PCLO: variants seen among roughly 807,000 people sequenced by gnomAD.
PCLO encodes protein piccolo.
Under a neutral mutation model 427.5 loss-of-function variants are expected in PCLO, and 82 were observed. That is an observed-to-expected ratio of 0.19 (90% CI 0.16 to 0.23). PCLO has a LOEUF of 0.23. Among genes scored for constraint, PCLO ranks in the 10% least tolerant of loss-of-function variants. The pLI, the probability that PCLO is intolerant of heterozygous loss-of-function variation, is 1.00. For missense variants in PCLO, 6,239 were observed against 6,115.9 expected (o/e 1.02, Z -0.67); for synonymous variants, 2,357 against 2,155.4 (o/e 1.09, Z -2.59).
intron 4 of PCLO, among the ~76,000 whole-genome samples, chr7:82,959,758 CATT>C (rs1795613266): frequency 6.6e-6 from 1 of 152,094 alleles, no homozygotes; most frequent in African/African-American, 2.4e-5. Flanking sequence ...AGGATTTCAT[CATT>C]GTTTACCTAC....
Position 82,995,118 on chromosome 7 carries a change from T to G in PCLO, c.3301-28631A>C, listed in dbSNP as rs558175227. Among the ~76,000 whole-genome samples, 6 of 151,976 alleles carry G rather than the reference T, an allele frequency of 3.9e-5. No individual in the cohort carries two copies. The South Asian group carries it at 1.2e-3, about 32-fold the overall frequency. On this transcript the variant is annotated intron_variant, in intron 3 of 24. Coordinates refer to ENST00000333891, the MANE Select transcript of PCLO (RefSeq NM_033026.6). ...TGATACAGAGATGCATATTTGGGAG[T>G]TACATTGAATACATGATGTGTTAAG...
intron 4 of PCLO, among the ~76,000 whole-genome samples, chr7:82,959,445 C>G (rs970162396): frequency 6.6e-6 from 1 of 152,128 alleles, no homozygotes; most frequent in East Asian, 1.9e-4. Context: ...AGAAATGTGA[C>G]CATGGTTATA....
chr7:83,000,250 G>A lies in PCLO; in HGVS notation c.3301-33763C>T, dbSNP rs141556354. Among the ~76,000 whole-genome samples, 424 of 136,692 alleles carry A rather than the reference G, an allele frequency of 3.1e-3. 2 individuals carry two copies. Among genetic ancestry groups the A allele is most frequent in the African/African-American group, 0.011 (407 of 35,544 alleles). 89.7% of individuals were successfully genotyped at this position (136,692 alleles called of 152,430 possible). ...ACCATGGAAGCAGGAAAAGAGTAGA[G>A]TAAAATATTCAAAGTGTTGAGAGAG... is the stretch of plus-strand genomic sequence containing the variant. On this transcript the variant is annotated intron_variant, in intron 3 of 24. Coordinates refer to ENST00000333891, the MANE Select transcript of PCLO (RefSeq NM_033026.6).
chr7:82,776,083 G>A (rs1049917100), intron 22 of PCLO, among the ~76,000 whole-genome samples: 1 of 152,020 alleles, frequency 6.6e-6, no homozygotes, highest in African/African-American at 2.4e-5. Context: ...GATTTAGTCA[G>A]TTTTTCTATA....
At chr7:82,930,579 G>T (rs2116336958) in intron 6 of PCLO, among the ~76,000 whole-genome samples, 1 of 152,176 alleles carries the variant, frequency 6.6e-6, no homozygotes, top group East Asian at 1.9e-4. Context: ...TTCTACAAAA[G>T]TAGAAACTAA....
chr7:82,773,027 A>G (rs1166874789), intron 22 of PCLO, among the ~76,000 whole-genome samples: 1 of 152,180 alleles, frequency 6.6e-6, no homozygotes, highest in Non-Finnish European at 1.5e-5. Context: ...ATGCTAGCAA[A>G]GTCTCCTTCC....
chr7:82,964,794 T>C (rs1487873716), intron 4 of PCLO, among the ~76,000 whole-genome samples: 1 of 152,108 alleles, frequency 6.6e-6, no homozygotes. Flanking sequence ...ACTCATTTAA[T>C]GAAAGGAGAC....
chr7:82,963,522 A>T (rs936496864), intron 4 of PCLO, among the ~76,000 whole-genome samples: 1 of 152,094 alleles, frequency 6.6e-6, no homozygotes, highest in East Asian at 1.9e-4. Flanking sequence ...TCTAGCATGT[A>T]CTTTTTAATT....
At chr7:83,018,261 G>A (rs1343860216) in intron 3 of PCLO, among the ~76,000 whole-genome samples, 3 of 151,850 alleles carry the variant, frequency 2.0e-5, no homozygotes, top group African/African-American at 7.3e-5. Context: ...ATCCTGTTAA[G>A]TGAAAAAGAG....
rs376531809 is a variant in PCLO, at chr7:83,133,024, T to G, written c.3300+1226A>C. On this transcript the variant is annotated intron_variant, in intron 3 of 24. Coordinates refer to ENST00000333891, the MANE Select transcript of PCLO (RefSeq NM_033026.6). ...ATTTATGTCCCTTTAAGATGACTCT[T>G]AGTTAAAATTATTCATCACAGCTAA... is the stretch of plus-strand genomic sequence containing the variant. Among the ~76,000 whole-genome samples the G allele has an allele frequency of 6.6e-5, 10 of 151,656 alleles. 1 individual carries two copies. Among genetic ancestry groups the G allele is most frequent in the Admixed American group, 4.6e-4 (7 of 15,280 alleles).
At chr7:82,883,733 T>C (rs909124082) in intron 9 of PCLO, among the ~76,000 whole-genome samples, 6 of 152,120 alleles carry the variant, frequency 3.9e-5, no homozygotes, top group African/African-American at 1.2e-4. Context: ...GGCATGAAAA[T>C]TGCTGTTCAG....
chr7:83,065,201 C>T (rs914378583), intron 3 of PCLO, among the ~76,000 whole-genome samples: 3 of 152,054 alleles, frequency 2.0e-5, no homozygotes, highest in African/African-American at 2.4e-5. Context: ...TTCTTGTAGC[C>T]ACAGTCAGCT....
At chr7:83,130,071 G>T (rs1186575855) in intron 3 of PCLO, among the ~76,000 whole-genome samples, 1 of 151,588 alleles carries the variant, frequency 6.6e-6, no homozygotes, top group Admixed American at 6.6e-5. Context: ...ACTGCTATCA[G>T]GTGTATTCTT....
Position 82,956,316 on chromosome 7 carries a change from C to T in PCLO, c.4637G>A (p.Ser1546Asn), listed in dbSNP as rs762660762. The part of the protein sequence containing the change: ...SSSDEYKQED[S>N]QGSGEEEDFI... Reference sequence around the variant, plus strand: ...GTCCTCCTCTTCCCCTGATCCTTGGCTGTCTTCCTGTTTATACTCATCACT... The same window carrying T: ...GTCCTCCTCTTCCCCTGATCCTTGGTTGTCTTCCTGTTTATACTCATCACT... Residue 1546 changes from serine to asparagine, a missense_variant, in exon 5 of 25, where the codon AGC becomes AAC. By Grantham distance (46) the Ser-to-Asn change is conservative (BLOSUM62 1). This residue lies in a region of PCLO where 4,677 missense variants were observed against 4,468.4 expected (regional missense o/e 1.05). Transcript: ENST00000333891. 25 of 1,612,886 alleles carry T rather than the reference C, an allele frequency of 1.6e-5. No individual in the cohort carries two copies. The Admixed American group carries it at 2.0e-4, about 13-fold the overall frequency.
chr7:83,131,712 C>T (rs916168592), intron 3 of PCLO, among the ~76,000 whole-genome samples: 6 of 151,900 alleles, frequency 3.9e-5, no homozygotes, highest in Admixed American at 1.3e-4. Context: ...CATGGAAGTA[C>T]GGTACTAACC....
In PCLO at chr7:83,135,312, C is replaced by T; in HGVS notation, c.2238G>A (p.Lys746=). The change falls in exon 3 of 25, where the codon AAG becomes AAA. Residue 746 remains lysine, a synonymous_variant. Coordinates refer to ENST00000333891, the MANE Select transcript of PCLO (RefSeq NM_033026.6). ...TTGGTTTATCATCAGCAACAGGGGC[C>T]TTGTCCTGCTCAGATGGGACAGAAG... ...KEPSVPSEQD[K]APVADDKPKQ... is the part of the protein sequence containing the mutation. The T allele has an allele frequency of 1.2e-6, 2 of 1,613,908 alleles. No individual in the cohort carries two copies. The highest frequency in any genetic ancestry group is 8.5e-7 in the Non-Finnish European group (1 of 1,179,876).
chr7:83,003,398 AT>A (rs1404549142), intron 3 of PCLO, among the ~76,000 whole-genome samples: 1 of 151,722 alleles, frequency 6.6e-6, no homozygotes, highest in Admixed American at 6.6e-5. Context: ...AGCTTTGATC[AT>A]TTTTATGTTG....
chr7:82,847,035 C>T (rs866545394), intron 11 of PCLO, 104 bp downstream of exon 11: 1 of 625,336 alleles, frequency 1.6e-6, no homozygotes, highest in Non-Finnish European at 2.8e-6. Context: ...TTTTATAATT[C>T]CAGAAAATCT....
At chr7:83,125,325 C>A (rs533783590) in intron 3 of PCLO, among the ~76,000 whole-genome samples, 109 of 152,146 alleles carry the variant, frequency 7.2e-4, no homozygotes, top group Non-Finnish European at 4.1e-4. Context: ...CACCCCCGCC[C>A]GGCAGCCGCC....
Sources: gnomAD v4.1 joint callset for allele counts (sites outside exome capture counted in the v4.1 genomes callset) on GRCh38, gnomAD v4.1.1 for gene constraint, gnomAD v4.1.1 regional missense constraint, MANE v1.5 for transcripts, NCBI Gene and HGNC (gene_info 2026-07-23, HGNC 2026-07-21) for gene names.